Variants in DLGAP2 observed in about 807,000 individuals in gnomAD.
The protein encoded by DLGAP2 is DLG associated protein 2.
A neutral mutation model predicts 100.3 loss-of-function variants in DLGAP2; 26 were observed. The ratio of observed to expected loss-of-function variants is 0.26; its 90% CI spans 0.19 to 0.36. DLGAP2 has a LOEUF of 0.36. Ranked by LOEUF, DLGAP2 falls within the 10% of genes least tolerant of loss-of-function variation. DLGAP2 has a pLI of 1.00. For synonymous variants in DLGAP2, 886 were observed against 630.1 expected (o/e 1.41, Z -6.08); for missense variants, 1,858 against 1,453.2 (o/e 1.28, Z -4.53).
chr8:1,411,471 C>T (rs1214042459), intron 3 of DLGAP2, among the ~76,000 whole-genome samples: 1 of 152,218 alleles, frequency 6.6e-6, no homozygotes, highest in Non-Finnish European at 1.5e-5. Flanking sequence ...GAAGATATAA[C>T]TCCATCCTGC....
chr8:1,022,808 TC>T (rs1033637643), intron 2 of DLGAP2, among the ~76,000 whole-genome samples: 24 of 149,336 alleles, frequency 1.6e-4, no homozygotes, highest in African/African-American at 5.7e-4. Flanking sequence ...CCGCCACCCA[TC>T]CCCCCCGGGA....
At chr8:1,118,736 A>G (rs985442285) in intron 2 of DLGAP2, among the ~76,000 whole-genome samples, 1 of 152,196 alleles carries the variant, frequency 6.6e-6, no homozygotes. Flanking sequence ...ATATACATGT[A>G]CTATGTGGTG....
At chr8:967,099 T>C (rs1283760647) in intron 2 of DLGAP2, among the ~76,000 whole-genome samples, 1 of 152,260 alleles carries the variant, frequency 6.6e-6, no homozygotes, top group East Asian at 1.9e-4. Flanking sequence ...CTTTCTTGAT[T>C]ATACAGATGT....
At chr8:1,507,340 C>T (rs990198806) in intron 4 of DLGAP2, among the ~76,000 whole-genome samples, 1 of 152,216 alleles carries the variant, frequency 6.6e-6, no homozygotes, top group African/African-American at 2.4e-5. Context: ...TGGCGTGCAG[C>T]GCCGGTGGGC....
At chr8:1,536,202 G>A (rs17748725) in intron 4 of DLGAP2, among the ~76,000 whole-genome samples, 21,054 of 152,098 alleles carry the variant, frequency 0.14, 1,820 homozygotes, top group East Asian at 0.27. Context: ...GTTCTGGCTG[G>A]AACTTGGGCA....
rs1245601123 is a variant in DLGAP2 at position 1,168,733 on chromosome 8, T to C, written c.74-90118T>C. 9.2e-3 allele frequency among the ~76,000 whole-genome samples: 1,316 copies of C among 143,422 alleles called. 14 individuals are homozygous for C. The highest frequency in any genetic ancestry group is 0.011 in the Admixed American group (164 of 14,320). 94.1% of individuals were successfully genotyped at this position (143,422 alleles called of 152,430 possible). On this transcript the variant is annotated intron_variant, in intron 2 of 14. Coordinates refer to ENST00000637795, the MANE Select transcript of DLGAP2 (RefSeq NM_001346810.2). ...GCCCACTTTTTGATGGGGTTGTTTG[T>C]TTTTTTCTCGTAAATTTGTTTGAGT...
chr8:1,173,403 C>G (rs4355800), intron 2 of DLGAP2, among the ~76,000 whole-genome samples: 29,939 of 152,178 alleles, frequency 0.2, 3,123 homozygotes, highest in Middle Eastern at 0.37. Context: ...AACCACTGCT[C>G]TCTTCAAAGC....
At chr8:1,010,957 G>C (rs533232883) in intron 2 of DLGAP2, among the ~76,000 whole-genome samples, 1 of 144,292 alleles carries the variant, frequency 6.9e-6, no homozygotes, top group Non-Finnish European at 1.5e-5. Flanking sequence ...TGAACCCCGG[G>C]CGAGGGGCCT....
chr8:1,276,957 C>G (rs977826192), intron 3 of DLGAP2, among the ~76,000 whole-genome samples: 13 of 152,054 alleles, frequency 8.5e-5, no homozygotes, highest in African/African-American at 3.1e-4. Flanking sequence ...CACATATGTT[C>G]CTAAATATCA....
chr8:1,685,916 CA>C (rs1368874783), intron 12 of DLGAP2, among the ~76,000 whole-genome samples: 1 of 152,066 alleles, frequency 6.6e-6, no homozygotes, highest in Non-Finnish European at 1.5e-5. Context: ...ATCACAAAGA[CA>C]AAAAAACAGC....
At chr8:1,558,455 A>G (rs927448151) in intron 5 of DLGAP2, among the ~76,000 whole-genome samples, 4 of 152,192 alleles carry the variant, frequency 2.6e-5, no homozygotes, top group African/African-American at 9.7e-5. Context: ...AGCCTTTGCC[A>G]CAGTCTCTGG....
intron 2 of DLGAP2, among the ~76,000 whole-genome samples, chr8:1,139,843 T>A (rs1203126438): frequency 4.6e-5 from 7 of 151,700 alleles, no homozygotes; most frequent in Non-Finnish European, 1.5e-5. Flanking sequence ...TCATAAGGGG[T>A]CTGTGGCGTA....
intron 3 of DLGAP2, among the ~76,000 whole-genome samples, chr8:1,437,155 A>G (rs576979753): frequency 1.4e-5 from 2 of 145,922 alleles, no homozygotes; most frequent in East Asian, 4.4e-4. Context: ...GTCTGCGTTC[A>G]GCGCAGGCGC....
intron 2 of DLGAP2, among the ~76,000 whole-genome samples, chr8:1,175,267 G>T (rs568320983): frequency 6.6e-6 from 1 of 152,040 alleles, no homozygotes. Context: ...TAAGAAGTGT[G>T]TTAAATTTAG....
intron 2 of DLGAP2, among the ~76,000 whole-genome samples, chr8:1,124,931 G>A (rs559640461): frequency 6.6e-6 from 1 of 152,120 alleles, no homozygotes; most frequent in East Asian, 1.9e-4. Context: ...CCCCTATACC[G>A]AGGAGGCATC....
At chr8:1,305,627 C>T (rs1468836379) in intron 3 of DLGAP2, among the ~76,000 whole-genome samples, 1 of 152,156 alleles carries the variant, frequency 6.6e-6, no homozygotes, top group Non-Finnish European at 1.5e-5. Flanking sequence ...CGGCAACCTG[C>T]CAGGATAAAA....
chr8:908,355 G>C (rs1247021764), intron 2 of DLGAP2, among the ~76,000 whole-genome samples: 1 of 152,150 alleles, frequency 6.6e-6, no homozygotes, highest in East Asian at 1.9e-4. Flanking sequence ...TTTGGAATCT[G>C]TTTGCAGTCA....
intron 2 of DLGAP2, among the ~76,000 whole-genome samples, chr8:946,850 C>T (rs1002665533): frequency 1.3e-5 from 2 of 152,218 alleles, no homozygotes; most frequent in Non-Finnish European, 2.9e-5. Flanking sequence ...GCAGCTCCCC[C>T]GTCCCTGACG....
intron 2 of DLGAP2, among the ~76,000 whole-genome samples, chr8:948,361 G>A (rs950330093): frequency 6.6e-6 from 1 of 152,184 alleles, no homozygotes; most frequent in African/African-American, 2.4e-5. Context: ...GAAGAAAGAG[G>A]AAGTAAGACG....
Sources: allele counts gnomAD v4.1 joint callset (sites outside exome capture counted in the v4.1 genomes callset), GRCh38; gene constraint gnomAD v4.1.1; transcripts MANE v1.5; gene names NCBI Gene and HGNC (gene_info 2026-07-23, HGNC 2026-07-21).